The following CREM variants were observed in gnomAD, a reference collection of about 807,000 sequenced individuals.
CREM encodes cAMP responsive element modulator.
A neutral mutation model predicts 37.3 loss-of-function variants in CREM; 13 were observed. The ratio of observed to expected loss-of-function variants is 0.35; its 90% CI spans 0.23 to 0.55. The LOEUF is 0.55. CREM is among the 20% of genes least tolerant of loss of function. CREM has a pLI of 0.88. For missense variants in CREM, 296 were observed against 362.3 expected (o/e 0.82, Z 1.49); for synonymous variants, 124 against 120.2 (o/e 1.03, Z -0.21).
At chr10:35,150,084 A>T (rs1405983808) in intron 3 of CREM, among the ~76,000 whole-genome samples, 1 of 152,230 alleles carries the variant, frequency 6.6e-6, no homozygotes, top group Non-Finnish European at 1.5e-5. Flanking sequence ...CTGTGTGAAT[A>T]GAATAGAAAG....
chr10:35,176,052 T>A (rs530725770), intron 3 of CREM: 1 of 1,518,280 alleles, frequency 6.6e-7, no homozygotes, highest in African/African-American at 1.4e-5. Flanking sequence ...GCCATTTTTT[T>A]CCTCTTTCAC....
intron 3 of CREM, among the ~76,000 whole-genome samples, chr10:35,164,462 C>T (rs774083218): frequency 6.6e-6 from 1 of 152,112 alleles, no homozygotes; most frequent in Non-Finnish European, 1.5e-5. Context: ...AGCAAAGTTC[C>T]GGTATGTCAG....
intron 3 of CREM, chr10:35,158,738 A>T (rs1009505268): frequency 6.6e-6 from 1 of 151,974 alleles, no homozygotes; most frequent in Non-Finnish European, 1.5e-5. Context: ...TAAGGCATTA[A>T]ATTATTTCTG....
chr10:35,208,138 T>A (rs966548066), intron 7 of CREM, among the ~76,000 whole-genome samples: 30 of 152,192 alleles, frequency 2.0e-4, no homozygotes, highest in Non-Finnish European at 3.5e-4. Flanking sequence ...GTCTATTTTT[T>A]AACTTTTTTT....
chr10:35,196,872 T>TC (rs1461199323), intron 6 of CREM, among the ~76,000 whole-genome samples: 1 of 141,152 alleles, frequency 7.1e-6, no homozygotes, highest in African/African-American at 2.6e-5. Flanking sequence ...GTACTTTTTT[T>TC]TTTTTTTTTT....
chr10:35,147,103 T>G (rs553726514), intron 2 of CREM, among the ~76,000 whole-genome samples: 1 of 141,484 alleles, frequency 7.1e-6, no homozygotes, highest in Non-Finnish European at 1.5e-5. Flanking sequence ...CAGGCTGGAG[T>G]CCACTGGCGC....
intron 3 of CREM, among the ~76,000 whole-genome samples, chr10:35,174,220 T>C (rs984223060): frequency 6.6e-6 from 1 of 152,210 alleles, no homozygotes; most frequent in South Asian, 2.1e-4. Context: ...AGCTCTGGCA[T>C]CTACATAAAG....
At chr10:35,189,067 T>A (rs552571078) in intron 6 of CREM, among the ~76,000 whole-genome samples, 1 of 152,338 alleles carries the variant, frequency 6.6e-6, no homozygotes, top group Admixed American at 6.5e-5. Context: ...CTATGACAAT[T>A]TAAGTATTCA....
At chr10:35,181,247 C>A (rs1475927200) in intron 5 of CREM, among the ~76,000 whole-genome samples, 1 of 152,206 alleles carries the variant, frequency 6.6e-6, no homozygotes, top group African/African-American at 2.4e-5. Flanking sequence ...ATTAAATTCA[C>A]ATCTCAGGTT....
At chr10:35,134,488 A>G (rs1376024290) in intron 1 of CREM, among the ~76,000 whole-genome samples, 1 of 152,160 alleles carries the variant, frequency 6.6e-6, no homozygotes, top group African/African-American at 2.4e-5. Flanking sequence ...GAGTGCTGGG[A>G]TTACAGGGGT....
At chr10:35,185,330 C>T (rs578193447) in intron 5 of CREM, among the ~76,000 whole-genome samples, 3 of 152,166 alleles carry the variant, frequency 2.0e-5, no homozygotes, top group African/African-American at 7.2e-5. Flanking sequence ...TCTTGAACTC[C>T]TGACCTCAGG....
chr10:35,137,814 A>C lies in CREM; in HGVS notation c.-22A>C. On this transcript the variant is annotated 5_prime_UTR_variant, in exon 2 of 8. Transcript: ENST00000685392. ...AAAGAAAACAGGAAAGGAGGAAAGC[A>C]TTGATTACAAATATCTTAACAATGA... is the stretch of plus-strand genomic sequence containing the variant. 3.3e-6 allele frequency: 5 copies of C among 1,535,704 alleles called. No individual in the cohort carries two copies. Among genetic ancestry groups the C allele is most frequent in the Non-Finnish European group, 4.4e-6 (5 of 1,130,530 alleles).
chr10:35,128,773 C>G (rs536589574), intron 1 of CREM, among the ~76,000 whole-genome samples: 53 of 152,274 alleles, frequency 3.5e-4, no homozygotes, highest in South Asian at 1.2e-3. Context: ...GATCCGCCCG[C>G]GTCGGCCTCC....
intron 2 of CREM, among the ~76,000 whole-genome samples, chr10:35,138,171 C>T (rs781147540): frequency 2.0e-5 from 3 of 152,206 alleles, no homozygotes; most frequent in South Asian, 2.1e-4. Flanking sequence ...TTGTAGAATT[C>T]GAAGAATCCC....
At chr10:35,166,228 A>T (rs573386852) in intron 3 of CREM, among the ~76,000 whole-genome samples, 13 of 151,754 alleles carry the variant, frequency 8.6e-5, no homozygotes, top group Admixed American at 2.0e-4. Flanking sequence ...AATGCATTGA[A>T]TTTGCAATTT....
chr10:35,201,351 G>A, intron 6 of CREM: 1 of 1,231,238 alleles, frequency 8.1e-7, no homozygotes, highest in Admixed American at 2.1e-5. Context: ...TAACATTTGT[G>A]GAGTGCCTGC....
At chr10:35,154,237 C>T (rs990342781) in intron 3 of CREM, 1 of 392,724 alleles carries the variant, frequency 2.5e-6, no homozygotes, top group Non-Finnish European at 4.5e-6. Context: ...CCAGCTATGC[C>T]AAAAATCTTC....
At chr10:35,139,203 C>T (rs758683351) in intron 2 of CREM, among the ~76,000 whole-genome samples, 1 of 151,984 alleles carries the variant, frequency 6.6e-6, no homozygotes, top group Non-Finnish European at 1.5e-5. Flanking sequence ...TCACTGCAAC[C>T]TCTGTCTCCA....
At chr10:35,200,572 G>C (rs1203345657) in intron 6 of CREM, among the ~76,000 whole-genome samples, 1 of 152,186 alleles carries the variant, frequency 6.6e-6, no homozygotes, top group African/African-American at 2.4e-5. Flanking sequence ...TTTTCACAGA[G>C]AAGGGAACGT....
Sources: gnomAD v4.1 joint callset for allele counts (sites outside exome capture counted in the v4.1 genomes callset) on GRCh38, gnomAD v4.1.1 for gene constraint, MANE v1.5 for transcripts, NCBI Gene and HGNC (gene_info 2026-07-23, HGNC 2026-07-21) for gene names.